Variants in EPG5 observed in about 807,000 individuals in gnomAD.
EPG5 encodes ectopic P-granules 5 autophagy tethering factor.
In EPG5, 159 loss-of-function variants were observed where a neutral mutation model predicts 302.7. That is an observed-to-expected ratio of 0.53 (90% CI 0.46 to 0.60). The LOEUF is 0.60. Among genes scored for constraint, EPG5 ranks in the 20% least tolerant of loss-of-function variants. The pLI is 0.00. For synonymous variants in EPG5, 1,158 were observed against 1,136.8 expected (o/e 1.02, Z -0.37); for missense variants, 2,896 against 3,092.4 (o/e 0.94, Z 1.51).
chr18:45,847,922 AAAT>A lies in EPG5; in HGVS notation c.*4542_*4544del. 1 of 152,784 alleles carries A rather than the reference AAAT, an allele frequency of 6.5e-6. No homozygotes were observed. The highest frequency in any genetic ancestry group is 1.9e-4 in the East Asian group (1 of 5,192). The allele number at this position is 152,784 out of a possible 1,614,324, so 9.5% of individuals were successfully genotyped here. The stretch of plus-strand genomic sequence containing the variant: ...AGAGACAGTACATCTGTACATTAAA[AAAT>A]AAAAGTTATAATCAACAACATTCCT... On this transcript the variant is annotated 3_prime_UTR_variant, in exon 44 of 44. Transcript: ENST00000282041.
Position 45,867,442 on chromosome 18 carries a change from T to C in EPG5, c.6411+121A>G, listed in dbSNP as rs916578648. 2.8e-5 allele frequency: 22 copies of C among 772,132 alleles called. No homozygotes were observed. The East Asian group carries it at 5.4e-4, about 19-fold the overall frequency. The allele number at this position is 772,132 out of a possible 1,614,324, so 47.8% of individuals were successfully genotyped here. A position where few individuals can be genotyped will look rare whatever the true frequency, so the allele number is the denominator to read the frequency against. ...CATCTGGTTAAAGGTACATCTCATA[T>C]GCCAAGCATCTGTTCACACTGATAG... On this transcript the variant is annotated intron_variant, in intron 37 of 43. Coordinates refer to ENST00000282041, the MANE Select transcript of EPG5 (RefSeq NM_020964.3).
At chr18:45,933,201 C>T (rs1469647741) in intron 11 of EPG5, among the ~76,000 whole-genome samples, 11 of 152,260 alleles carry the variant, frequency 7.2e-5, no homozygotes, top group Admixed American at 6.5e-4. Flanking sequence ...CCAACCACGG[C>T]AATGGTCTAA....
chr18:45,834,465 G>A, the EPG5 span, among the ~76,000 whole-genome samples: 1 of 152,234 alleles, frequency 6.6e-6, no homozygotes, highest in African/African-American at 2.4e-5. Context: ...CCCTAGGCTT[G>A]GGGCTCAGGG....
intron 31 of EPG5, 116 bp from the exon 32 acceptor site, chr18:45,880,339 CA>C: frequency 9.6e-7 from 1 of 1,045,188 alleles, no homozygotes; most frequent in Non-Finnish European, 1.3e-6. Flanking sequence ...AAATCCAAAA[CA>C]AACTCACAGG....
chr18:45,956,799 G>A (rs999516625), intron 1 of EPG5, among the ~76,000 whole-genome samples: 1 of 151,966 alleles, frequency 6.6e-6, no homozygotes, highest in Non-Finnish European at 1.5e-5. Context: ...GACGACACAA[G>A]AGGATGAAGG....
rs559140460 is a variant in EPG5, at chr18:45,894,083, A to G, written c.4810-4143T>C. Among the ~76,000 whole-genome samples the G allele has an allele frequency of 5.3e-5, 8 of 152,334 alleles. No homozygotes were observed. The South Asian group carries it at 1.7e-3, about 32-fold the overall frequency. On this transcript the variant is annotated intron_variant, in intron 27 of 43. Transcript: ENST00000282041. ...ATCTAGTAACAGCATAGAACTAATC[A>G]TAACACAAAATAAGTTGTAACACAG... is the stretch of plus-strand genomic sequence containing the variant.
the EPG5 span, among the ~76,000 whole-genome samples, chr18:45,804,544 G>C: frequency 6.6e-6 from 1 of 152,138 alleles, no homozygotes; most frequent in Non-Finnish European, 1.5e-5. Flanking sequence ...ACACAGAGGA[G>C]AATAATGAGT....
intron 35 of EPG5, among the ~76,000 whole-genome samples, chr18:45,873,435 A>G (rs2145336853): frequency 6.6e-6 from 1 of 152,088 alleles, no homozygotes; most frequent in African/African-American, 2.4e-5. Flanking sequence ...GCCTGAACCC[A>G]GGAGGCAGAG....
chr18:45,955,415 AC>A (rs1388334305), intron 1 of EPG5, 77 bp from the exon 2 acceptor site: 5 of 1,047,450 alleles, frequency 4.8e-6, no homozygotes, highest in Non-Finnish European at 5.4e-6. Flanking sequence ...TTAAAGTTGC[AC>A]ATAAAATCTA....
At chr18:45,831,795 T>G in the EPG5 span, among the ~76,000 whole-genome samples, 1 of 151,192 alleles carries the variant, frequency 6.6e-6, no homozygotes, top group South Asian at 2.1e-4. Flanking sequence ...TGGAGTACAG[T>G]GGGGCAATCT....
intron 7 of EPG5, 86 bp from the exon 8 acceptor site, chr18:45,944,205 T>G: frequency 1.2e-6 from 1 of 811,174 alleles, no homozygotes; most frequent in Non-Finnish European, 2.1e-6. Context: ...TTATCACAGG[T>G]CTCAATGGTA....
intron 14 of EPG5, among the ~76,000 whole-genome samples, chr18:45,925,403 G>A (rs1599584646): frequency 6.6e-6 from 1 of 152,288 alleles, no homozygotes; most frequent in African/African-American, 2.4e-5. Flanking sequence ...AACCTGGGAG[G>A]AGGAGGTTGC....
chr18:45,839,015 C>T, the EPG5 span: 4 of 1,586,862 alleles, frequency 2.5e-6, no homozygotes, highest in African/African-American at 1.4e-5. Context: ...TCGACGGTCG[C>T]CCTCCTGCTC....
At chr18:45,949,708 C>A in intron 4 of EPG5, 117 bp from the exon 5 acceptor site, 2 of 603,260 alleles carry the variant, frequency 3.3e-6, no homozygotes, top group East Asian at 2.9e-5. Flanking sequence ...AAAAGAGTAA[C>A]CAGACACAAG....
intron 14 of EPG5, among the ~76,000 whole-genome samples, chr18:45,925,337 G>A (rs1044159157): frequency 1.1e-4 from 16 of 152,282 alleles, no homozygotes; most frequent in African/African-American, 3.8e-4. Flanking sequence ...GTCAGGTGTG[G>A]TGGCATGCAC....
At position 45,851,159 on chromosome 18, in the gene EPG5, C is replaced by A. The variant is rs544141998; in HGVS notation, c.*1308G>T. ...GCACTCTGTTAACTATATTCCTATACCCCTATAAACATTCTTGGTGGCTGT... is the reference window on the plus strand; with the variant it reads ...GCACTCTGTTAACTATATTCCTATAACCCTATAAACATTCTTGGTGGCTGT... On this transcript the variant is annotated 3_prime_UTR_variant, in exon 44 of 44. Coordinates refer to ENST00000282041, the MANE Select transcript of EPG5 (RefSeq NM_020964.3). 1 of 152,304 alleles carries A rather than the reference C, an allele frequency of 6.6e-6. No individual in the cohort carries two copies. The highest frequency in any genetic ancestry group is 2.1e-4 in the South Asian group (1 of 4,808). 9.4% of individuals were successfully genotyped at this position (152,304 alleles called of 1,614,324 possible).
At chr18:45,884,865 T>C in intron 29 of EPG5, 54 bp from the exon 30 acceptor site, 1 of 1,338,062 alleles carries the variant, frequency 7.5e-7, no homozygotes. Flanking sequence ...ACAACCTTTA[T>C]TTAAGCAAGC....
chr18:45,894,966 G>A (rs533461694), intron 27 of EPG5, among the ~76,000 whole-genome samples: 2 of 152,280 alleles, frequency 1.3e-5, no homozygotes, highest in Admixed American at 1.3e-4. Context: ...AACAGACTAG[G>A]CAGGGAGAGA....
the EPG5 span, among the ~76,000 whole-genome samples, chr18:45,815,743 T>C: frequency 6.6e-6 from 1 of 152,234 alleles, no homozygotes; most frequent in East Asian, 1.9e-4. Flanking sequence ...TTCAACACAA[T>C]TCACAACGAT....
Sources: allele counts gnomAD v4.1 joint callset (sites outside exome capture counted in the v4.1 genomes callset), GRCh38; gene constraint gnomAD v4.1.1; transcripts MANE v1.5; gene names NCBI Gene and HGNC (gene_info 2026-07-23, HGNC 2026-07-21).